The following PSTPIP2 variants were observed in gnomAD, a reference collection of about 807,000 sequenced individuals.
PSTPIP2 encodes proline-serine-threonine phosphatase-interacting protein 2.
In PSTPIP2, 33 loss-of-function variants were observed where a neutral mutation model predicts 63.3. That is an observed-to-expected ratio of 0.52 (90% CI 0.40 to 0.70). PSTPIP2 has a LOEUF of 0.70. PSTPIP2 is among the 30% of genes least tolerant of loss of function. The pLI, the probability that PSTPIP2 is intolerant of heterozygous loss-of-function variation, is 0.00. For missense variants in PSTPIP2, 312 were observed against 400.7 expected, an observed-to-expected ratio of 0.78 and a Z score of 1.89; for synonymous variants, 125 against 132.7, an observed-to-expected ratio of 0.94 and a Z score of 0.40.
intron 2 of PSTPIP2, among the ~76,000 whole-genome samples, chr18:46,031,868 T>G (rs186221700): frequency 6.6e-6 from 1 of 152,234 alleles, no homozygotes; most frequent in Admixed American, 6.5e-5. Flanking sequence ...CGGGAAGTAA[T>G]GAGTTCCAGC....
At chr18:46,069,742 T>A (rs925616994) in intron 1 of PSTPIP2, among the ~76,000 whole-genome samples, 1 of 152,240 alleles carries the variant, frequency 6.6e-6, no homozygotes, top group Non-Finnish European at 1.5e-5. Context: ...TCCTCTCACC[T>A]TCCTTGGAAT....
chr18:46,030,450 G>A (rs16978517), intron 2 of PSTPIP2, among the ~76,000 whole-genome samples: 16,269 of 152,112 alleles, frequency 0.11, 1,161 homozygotes, highest in East Asian at 0.39. Flanking sequence ...ACAGCATGCC[G>A]GAAGTGTTAG....
chr18:45,988,701 C>G lies in PSTPIP2; in HGVS notation c.*8+1G>C. Reference sequence around the variant, plus strand: ...ATTATGTGAAAAATAAAGGTTCTTACCATTGATTTTACTGATAGAGCAAAC... The same window carrying G: ...ATTATGTGAAAAATAAAGGTTCTTAGCATTGATTTTACTGATAGAGCAAAC... On this transcript the variant is annotated splice_donor_variant, in intron 14 of 14. Transcript: ENST00000409746. LOFTEE classifies it low-confidence loss of function (3UTR_SPLICE). The G allele has an allele frequency of 6.5e-7, 1 of 1,539,966 alleles. No individual in the cohort carries two copies. The highest frequency in any genetic ancestry group is 9.0e-7 in the Non-Finnish European group (1 of 1,112,826).
chr18:46,029,302 A>C, intron 2 of PSTPIP2: 1 of 1,502,092 alleles, frequency 6.7e-7, no homozygotes, highest in Non-Finnish European at 9.3e-7. Context: ...GGGTATTTGC[A>C]TTTGCTATCG....
chr18:46,008,353 C>G (rs1013927403), intron 5 of PSTPIP2, among the ~76,000 whole-genome samples: 2 of 152,008 alleles, frequency 1.3e-5, no homozygotes, highest in Admixed American at 1.3e-4. Context: ...GAGTCTCACT[C>G]TGTTGCCCAG....
intron 1 of PSTPIP2, among the ~76,000 whole-genome samples, chr18:46,063,092 G>T (rs965256613): frequency 2.6e-5 from 4 of 152,108 alleles, no homozygotes; most frequent in African/African-American, 9.7e-5. Flanking sequence ...AGCTTCAACC[G>T]CATGGACTCA....
chr18:46,060,337 A>G (rs1384411975), intron 1 of PSTPIP2, among the ~76,000 whole-genome samples: 2 of 152,212 alleles, frequency 1.3e-5, no homozygotes, highest in Admixed American at 1.3e-4. Flanking sequence ...CTGCAAAGAA[A>G]CTAGTCTGTG....
At chr18:46,027,292 T>C (rs986354677) in intron 2 of PSTPIP2, among the ~76,000 whole-genome samples, 1 of 138,024 alleles carries the variant, frequency 7.2e-6, no homozygotes, top group African/African-American at 2.8e-5. Context: ...CAAAACTCCA[T>C]CTCAAAAATA....
At chr18:46,049,310 G>A (rs1908500468) in intron 1 of PSTPIP2, among the ~76,000 whole-genome samples, 1 of 152,034 alleles carries the variant, frequency 6.6e-6, no homozygotes, top group African/African-American at 2.4e-5. Flanking sequence ...GCCTTTTGGA[G>A]AGTGGAGAGT....
chr18:46,044,968 C>G (rs1360461890), intron 1 of PSTPIP2, among the ~76,000 whole-genome samples: 2 of 152,218 alleles, frequency 1.3e-5, no homozygotes, highest in Admixed American at 1.3e-4. Context: ...GATACCATCT[C>G]ACACCAGTTA....
intron 1 of PSTPIP2, among the ~76,000 whole-genome samples, chr18:46,054,584 G>A (rs1599744647): frequency 6.6e-6 from 1 of 152,074 alleles, no homozygotes; most frequent in Admixed American, 6.6e-5. Context: ...AGGAAAAATA[G>A]GGAGAACGGA....
rs371353196 is a variant in PSTPIP2, at chr18:45,999,474, G to A, written c.478C>T (p.Arg160Trp). ...DKDEAEQAVS[R>W]SANLVNPKQQ... The stretch of plus-strand genomic sequence containing the variant: ...TTCGGGTTCACCAGGTTGGCACTCC[G>A]GCTGACGGCCTGTTCTGCCTCATCT... The change falls in exon 7 of 15, where the codon CGG becomes TGG. Residue 160 changes from arginine to tryptophan, a missense_variant. Transcript: ENST00000409746. The A allele has an allele frequency of 6.2e-6, 10 of 1,614,208 alleles. No homozygotes were observed. The highest frequency in any genetic ancestry group is 5.9e-6 in the Non-Finnish European group (7 of 1,180,038).
intron 2 of PSTPIP2, among the ~76,000 whole-genome samples, chr18:46,027,341 T>TAAAA (rs1555689892): frequency 8.8e-6 from 1 of 113,254 alleles, no homozygotes; most frequent in African/African-American, 2.9e-5. Context: ...AATAAATAAA[T>TAAAA]AAAAATATTA....
intron 9 of PSTPIP2, 48 bp downstream of exon 9, chr18:45,997,701 A>AC (rs767417688): frequency 2.1e-5 from 7 of 333,138 alleles, no homozygotes; most frequent in East Asian, 1.6e-4. Flanking sequence ...TGTTACACAC[A>AC]CCCCCACCCA....
At position 45,985,004 on chromosome 18, in the gene PSTPIP2, C is replaced by T. The variant is rs1021953984; in HGVS notation, c.*455G>A. ...ATCAGGCGGCTTCTAAGTCTTCCAG[C>T]CAAAAAGGAAGGTAATTTTAAATCT... On this transcript the variant is annotated 3_prime_UTR_variant, in exon 15 of 15. Coordinates refer to ENST00000409746, the MANE Select transcript of PSTPIP2 (RefSeq NM_024430.4). The T allele has an allele frequency of 3.0e-5, 5 of 166,910 alleles. No homozygotes were observed. Among genetic ancestry groups the T allele is most frequent in the African/African-American group, 1.2e-4 (5 of 41,732 alleles). 10.3% of individuals were successfully genotyped at this position (166,910 alleles called of 1,614,324 possible). A position where few individuals can be genotyped will look rare whatever the true frequency, so the allele number is the denominator to read the frequency against.
chr18:46,043,071 A>G (rs1371297105), intron 1 of PSTPIP2, among the ~76,000 whole-genome samples: 1 of 151,906 alleles, frequency 6.6e-6, no homozygotes, highest in African/African-American at 2.4e-5. Context: ...AGTCCCACTC[A>G]AAGAGTTTCC....
At chr18:46,037,003 A>AAAAAAAACAACCACCTCT (rs1382386804) in intron 2 of PSTPIP2, among the ~76,000 whole-genome samples, 6 of 152,198 alleles carry the variant, frequency 3.9e-5, no homozygotes, top group African/African-American at 1.4e-4. Flanking sequence ...ATAATAAATA[A>AAAAAAAACAACCACCTCT]GGTATAACAT....
intron 2 of PSTPIP2, chr18:46,028,183 C>A (rs561662553): frequency 3.5e-5 from 12 of 344,272 alleles, no homozygotes; most frequent in Non-Finnish European, 7.0e-5. Flanking sequence ...GGCGCGCATG[C>A]GCAGTGAGGT....
chr18:46,015,264 T>G (rs1420693177), intron 4 of PSTPIP2, among the ~76,000 whole-genome samples: 2 of 152,200 alleles, frequency 1.3e-5, no homozygotes, highest in African/African-American at 4.8e-5. Flanking sequence ...TGTAATTAAC[T>G]TTATTCTGGA....
Sources: gnomAD v4.1 joint callset for allele counts (sites outside exome capture counted in the v4.1 genomes callset) on GRCh38, gnomAD v4.1.1 for gene constraint, MANE v1.5 for transcripts, NCBI Gene and HGNC (gene_info 2026-07-23, HGNC 2026-07-21) for gene names.